Variants in NTM observed in about 807,000 individuals in gnomAD.
The protein encoded by NTM is IgLON family member 2.
A neutral mutation model predicts 42.1 loss-of-function variants in NTM; 13 were observed. That is an observed-to-expected ratio of 0.31 (90% CI 0.20 to 0.49). The LOEUF (loss-of-function observed/expected upper bound fraction) is 0.49, where lower values mean the gene tolerates loss of function less well. NTM is among the 20% of genes least tolerant of loss of function. NTM has a pLI of 0.99. For synonymous variants in NTM, 187 were observed against 179.2 expected, an observed-to-expected ratio of 1.04 and a Z score of -0.35; for missense variants, 373 against 452.8, an observed-to-expected ratio of 0.82 and a Z score of 1.60.
chr11:131,598,772 TTC>T lies in NTM; in HGVS notation c.82+227886_82+227887del, dbSNP rs1257059382. Among the ~76,000 whole-genome samples the T allele has an allele frequency of 1.6e-4, 16 of 101,678 alleles. 2 individuals are homozygous for T. Among genetic ancestry groups the T allele is most frequent in the African/African-American group, 4.9e-4 (16 of 32,484 alleles). 66.7% of individuals were successfully genotyped at this position (101,678 alleles called of 152,430 possible). ...CTTTCTTTCTTCTTTCTTTTTTTCTTTCTTTCTTTCTTCTTTCTTTCTTTCTT... is the reference window on the plus strand; with the variant it reads ...CTTTCTTTCTTCTTTCTTTTTTTCTTTTTCTTTCTTCTTTCTTTCTTTCTT... On this transcript the variant is annotated intron_variant, in intron 1 of 8. Coordinates refer to ENST00000683400, the MANE Select transcript of NTM (RefSeq NM_001352005.2).
At chr11:131,770,955 G>GT (rs1435874737) in intron 1 of NTM, 1 of 152,140 alleles carries the variant, frequency 6.6e-6, no homozygotes, top group African/African-American at 2.4e-5. Context: ...CCAAACAGTG[G>GT]TTTTTTGCAG....
At chr11:132,104,084 T>G (rs570807223) in intron 2 of NTM, among the ~76,000 whole-genome samples, 2 of 152,304 alleles carry the variant, frequency 1.3e-5, no homozygotes, top group South Asian at 4.1e-4. Flanking sequence ...TTTTTCGTTG[T>G]TGTTGTTCTA....
rs150360257 is a variant in NTM at position 132,029,459 on chromosome 11, C to T, written c.168-116823C>T. ...TGCGGTGTTTGGTTTTTTGTCCTTG[C>T]GATAGTTTGCTGAGAATGATGGTTT... On this transcript the variant is annotated intron_variant, in intron 2 of 8. Coordinates refer to ENST00000683400, the MANE Select transcript of NTM (RefSeq NM_001352005.2). 3.8e-3 allele frequency among the ~76,000 whole-genome samples: 567 copies of T among 150,166 alleles called. 3 individuals are homozygous for T. Among genetic ancestry groups the T allele is most frequent in the East Asian group, 0.026 (130 of 5,004 alleles).
chr11:131,789,636 A>AGAAGAAGAAGAAG lies in NTM; in HGVS notation c.83-121928_83-121927insGAAGAAGAAGAAG, dbSNP rs1555127949. ...AAGAAGAAGAAGAAGAAGAAGAAGA[A>AGAAGAAGAAGAAG]AAGAAGAAGAAGAAGAAGAAGAAGA... On this transcript the variant is annotated intron_variant, in intron 1 of 8. Transcript: ENST00000683400. Among the ~76,000 whole-genome samples the AGAAGAAGAAGAAG allele has an allele frequency of 3.3e-3, 103 of 30,898 alleles. 23 individuals carry two copies. Among genetic ancestry groups the AGAAGAAGAAGAAG allele is most frequent in the Non-Finnish European group, 4.1e-3 (57 of 13,760 alleles). 20.3% of individuals were successfully genotyped at this position (30,898 alleles called of 152,430 possible).
At chr11:132,142,132 G>A (rs1435529486) in intron 2 of NTM, among the ~76,000 whole-genome samples, 3 of 152,240 alleles carry the variant, frequency 2.0e-5, no homozygotes, top group Non-Finnish European at 4.4e-5. Context: ...GGACGAAAGG[G>A]GAGAGGCTTT....
intron 1 of NTM, among the ~76,000 whole-genome samples, chr11:131,763,717 T>TC (rs2135832704): frequency 6.9e-6 from 1 of 144,216 alleles, no homozygotes; most frequent in South Asian, 2.3e-4. Context: ...CTCTTTTTTT[T>TC]TTTTTTTTTT....
intron 1 of NTM, among the ~76,000 whole-genome samples, chr11:131,381,918 G>A (rs1164410380): frequency 6.6e-6 from 1 of 152,180 alleles, no homozygotes; most frequent in Non-Finnish European, 1.5e-5. Context: ...GATTCTATTG[G>A]GAGGTACAGC....
chr11:131,963,732 C>T (rs1364944880), intron 2 of NTM, among the ~76,000 whole-genome samples: 1 of 152,184 alleles, frequency 6.6e-6, no homozygotes, highest in Non-Finnish European at 1.5e-5. Flanking sequence ...AGAGCTTATA[C>T]AGACAAAATA....
intron 1 of NTM, among the ~76,000 whole-genome samples, chr11:131,839,114 C>T (rs1023622294): frequency 6.6e-6 from 1 of 152,032 alleles, no homozygotes; most frequent in Admixed American, 6.6e-5. Flanking sequence ...GTGCACACCA[C>T]CACACCCAGC....
intron 2 of NTM, among the ~76,000 whole-genome samples, chr11:132,073,097 G>T (rs564763209): frequency 5.9e-5 from 9 of 152,310 alleles, no homozygotes; most frequent in African/African-American, 2.2e-4. Context: ...CCTGTGGGCT[G>T]CTGGGGCTTT....
At chr11:132,327,353 A>G (rs930669710) in intron 7 of NTM, among the ~76,000 whole-genome samples, 2 of 152,232 alleles carry the variant, frequency 1.3e-5, no homozygotes, top group African/African-American at 4.8e-5. Context: ...TGACCATCAA[A>G]GCAATTTATT....
chr11:132,200,682 T>A (rs2081022805), intron 3 of NTM, among the ~76,000 whole-genome samples: 1 of 152,206 alleles, frequency 6.6e-6, no homozygotes, highest in Non-Finnish European at 1.5e-5. Flanking sequence ...GCCAGCAGAT[T>A]GACAGCTCAG....
intron 4 of NTM, among the ~76,000 whole-genome samples, chr11:132,239,266 A>G (rs1340179799): frequency 6.6e-6 from 1 of 152,232 alleles, no homozygotes; most frequent in African/African-American, 2.4e-5. Flanking sequence ...TTTTCTGTAA[A>G]GAGAAATAAA....
At chr11:132,197,624 A>G (rs1162564274) in intron 3 of NTM, among the ~76,000 whole-genome samples, 2 of 146,684 alleles carry the variant, frequency 1.4e-5, no homozygotes, top group African/African-American at 5.0e-5. Context: ...CATTAGGTAT[A>G]TCTCCTAATG....
intron 4 of NTM, among the ~76,000 whole-genome samples, chr11:132,299,373 A>T (rs2094752130): frequency 6.6e-6 from 1 of 151,962 alleles, no homozygotes; most frequent in African/African-American, 2.4e-5. Flanking sequence ...GTGAACATGG[A>T]AGTTGTTTGA....
chr11:131,420,474 T>C (rs1304450608), intron 1 of NTM, among the ~76,000 whole-genome samples: 1 of 152,212 alleles, frequency 6.6e-6, no homozygotes, highest in Non-Finnish European at 1.5e-5. Flanking sequence ...CATAGATTTA[T>C]GTTGTTTAAG....
chr11:132,248,392 GA>G (rs1332228169), intron 4 of NTM, among the ~76,000 whole-genome samples: 1 of 147,928 alleles, frequency 6.8e-6, no homozygotes, highest in Non-Finnish European at 1.5e-5. Context: ...TATAGCCCTT[GA>G]GGTTTTTTTT....
At chr11:131,401,393 C>G (rs1242622634) in intron 1 of NTM, among the ~76,000 whole-genome samples, 3 of 152,048 alleles carry the variant, frequency 2.0e-5, no homozygotes, top group African/African-American at 7.2e-5. Flanking sequence ...GTTCAAATCC[C>G]TGATGGGCCC....
intron 4 of NTM, among the ~76,000 whole-genome samples, chr11:132,251,949 G>A (rs954860363): frequency 7.9e-5 from 12 of 152,210 alleles, no homozygotes; most frequent in Non-Finnish European, 1.3e-4. Context: ...AAGCACAGGT[G>A]CTCCAAACCT....
Sources: allele counts gnomAD v4.1 joint callset (sites outside exome capture counted in the v4.1 genomes callset), GRCh38; gene constraint gnomAD v4.1.1; transcripts MANE v1.5; gene names NCBI Gene and HGNC (gene_info 2026-07-23, HGNC 2026-07-21).